LYRM4: variants seen among roughly 807,000 people sequenced by gnomAD.
The protein encoded by LYRM4 is LYR motif containing 4.
In LYRM4, 9 loss-of-function variants were observed where a neutral mutation model predicts 11.7. That is an observed-to-expected ratio of 0.77 (90% confidence interval 0.46 to 1.34). LYRM4 has a LOEUF of 1.34. Among genes scored for constraint, LYRM4 ranks in the 40% most tolerant of loss-of-function variants. LYRM4 has a pLI of 0.00. For missense variants in LYRM4, 133 were observed against 112.5 expected, an observed-to-expected ratio of 1.18 and a Z score of -0.82; for synonymous variants, 42 against 40.4, an observed-to-expected ratio of 1.04 and a Z score of -0.15.
intron 2 of LYRM4, among the ~76,000 whole-genome samples, chr6:5,165,434 C>A (rs1259572630): frequency 1.3e-5 from 2 of 152,196 alleles, no homozygotes; most frequent in Non-Finnish European, 2.9e-5. Context: ...CAATGCTAAA[C>A]TAATCAGTAG....
At chr6:5,098,538 G>A in the LYRM4 span, among the ~76,000 whole-genome samples, 4 of 152,276 alleles carry the variant, frequency 2.6e-5, no homozygotes, top group East Asian at 1.9e-4. Flanking sequence ...CCCATGATCC[G>A]AAATTCCACC....
intron 1 of LYRM4, among the ~76,000 whole-genome samples, chr6:5,256,909 A>T (rs1764704175): frequency 6.6e-6 from 1 of 152,024 alleles, no homozygotes; most frequent in Non-Finnish European, 1.5e-5. Flanking sequence ...CTCTGCTTGG[A>T]TTCTCTTCTT....
the LYRM4 span, among the ~76,000 whole-genome samples, chr6:5,036,182 A>G: frequency 6.6e-5 from 10 of 152,204 alleles, no homozygotes; most frequent in East Asian, 1.9e-3. Flanking sequence ...AATTTTGTTG[A>G]GCAAAATAAA....
intron 1 of LYRM4, among the ~76,000 whole-genome samples, chr6:5,246,917 G>T (rs561493308): frequency 1.3e-5 from 2 of 152,314 alleles, no homozygotes; most frequent in African/African-American, 4.8e-5. Context: ...TACAGGGAAA[G>T]TGCAAAGAGG....
At chr6:5,177,214 G>A (rs957052130) in intron 2 of LYRM4, among the ~76,000 whole-genome samples, 3 of 152,222 alleles carry the variant, frequency 2.0e-5, no homozygotes, top group Admixed American at 6.5e-5. Flanking sequence ...GAAATCACAG[G>A]TGAGCGTAGA....
the LYRM4 span, chr6:5,085,487 T>C: frequency 6.5e-7 from 1 of 1,533,616 alleles, no homozygotes; most frequent in East Asian, 2.5e-5. Flanking sequence ...AACGGCGTCA[T>C]GGAGCCCATA....
intron 2 of LYRM4, among the ~76,000 whole-genome samples, chr6:5,170,096 T>C (rs139816394): frequency 5.4e-4 from 82 of 152,240 alleles, no homozygotes; most frequent in Non-Finnish European, 9.7e-4. Flanking sequence ...GTGTACAGTG[T>C]TGGTTGAAGG....
chr6:5,187,943 G>T (rs1243380265), intron 2 of LYRM4, among the ~76,000 whole-genome samples: 1 of 152,292 alleles, frequency 6.6e-6, no homozygotes, highest in East Asian at 1.9e-4. Flanking sequence ...GAAATTTCTG[G>T]AAGGCTACAT....
intron 2 of LYRM4, among the ~76,000 whole-genome samples, chr6:5,120,281 C>T (rs552476147): frequency 2.0e-5 from 3 of 152,272 alleles, no homozygotes; most frequent in South Asian, 2.1e-4. Flanking sequence ...TTTCTGTTCC[C>T]TCTGCAGGAA....
At chr6:5,109,637 C>T (rs570002087) in intron 2 of LYRM4, 146 bp from the exon 3 acceptor site, 41 of 736,770 alleles carry the variant, frequency 5.6e-5, no homozygotes, top group Non-Finnish European at 8.1e-5. Context: ...CGGGGCAAAG[C>T]CGGCCACTAG....
At chr6:5,249,247 G>T (rs1287743556) in intron 1 of LYRM4, among the ~76,000 whole-genome samples, 3 of 152,128 alleles carry the variant, frequency 2.0e-5, no homozygotes, top group Non-Finnish European at 4.4e-5. Flanking sequence ...TTATACCAAG[G>T]TCACAGAATA....
At chr6:5,122,065 C>A (rs1216438127) in intron 2 of LYRM4, among the ~76,000 whole-genome samples, 4 of 152,152 alleles carry the variant, frequency 2.6e-5, no homozygotes, top group Non-Finnish European at 5.9e-5. Flanking sequence ...TTAATATTTG[C>A]TTTAATCAAA....
the LYRM4 span, among the ~76,000 whole-genome samples, chr6:5,075,856 A>G: frequency 2.0e-5 from 3 of 152,234 alleles, no homozygotes; most frequent in African/African-American, 4.8e-5. Flanking sequence ...AACAGTATAA[A>G]AGGATCTGGA....
chr6:5,257,284 C>G (rs545569870), intron 1 of LYRM4, among the ~76,000 whole-genome samples: 23 of 152,288 alleles, frequency 1.5e-4, no homozygotes, highest in African/African-American at 4.6e-4. Context: ...ACCTCCCTGG[C>G]AGTGCTGTGC....
intron 1 of LYRM4, 112 bp downstream of exon 1, chr6:5,260,536 C>G (rs1410549107): frequency 7.0e-7 from 1 of 1,420,896 alleles, no homozygotes; most frequent in African/African-American, 1.4e-5. Flanking sequence ...GCCTCGCAGC[C>G]GCCGGCAAAC....
chr6:5,065,043 CT>C, the LYRM4 span, among the ~76,000 whole-genome samples: 1 of 152,166 alleles, frequency 6.6e-6, no homozygotes, highest in East Asian at 1.9e-4. Flanking sequence ...CCTCTCTACC[CT>C]AAACCATGGC....
chr6:5,033,085 C>T, the LYRM4 span: 1 of 152,210 alleles, frequency 6.6e-6, no homozygotes, highest in African/African-American at 2.4e-5. Context: ...TCCCCTCCCC[C>T]ACTCCCGTGG....
chr6:5,155,104 T>C (rs936459660), intron 2 of LYRM4, among the ~76,000 whole-genome samples: 1 of 152,068 alleles, frequency 6.6e-6, no homozygotes, highest in African/African-American at 2.4e-5. Context: ...TTTTTTGAGA[T>C]AGAGTCTTGC....
At chr6:5,253,584 G>A (rs1167269531) in intron 1 of LYRM4, among the ~76,000 whole-genome samples, 4 of 152,190 alleles carry the variant, frequency 2.6e-5, no homozygotes, top group Admixed American at 1.3e-4. Context: ...CCTAGGAACT[G>A]CTAACAAAGG....
Sources: allele counts gnomAD v4.1 joint callset (sites outside exome capture counted in the v4.1 genomes callset), GRCh38; gene constraint gnomAD v4.1.1; transcripts MANE v1.5; gene names NCBI Gene and HGNC (gene_info 2026-07-23, HGNC 2026-07-21).